Variants in CDH13 observed in about 807,000 individuals in gnomAD.
The protein encoded by CDH13 is cadherin-13.
A neutral mutation model predicts 63.8 loss-of-function variants in CDH13; 24 were observed. The observed-to-expected ratio is 0.38, with a 90% CI of 0.27 to 0.53. The LOEUF (loss-of-function observed/expected upper bound fraction) is 0.53, where lower values mean the gene tolerates loss of function less well. CDH13 is among the 20% of genes least tolerant of loss of function. CDH13 has a pLI of 0.85. For synonymous variants in CDH13, 503 were observed against 355.3 expected, an observed-to-expected ratio of 1.42 and a Z score of -4.67; for missense variants, 1,049 against 903.1, an observed-to-expected ratio of 1.16 and a Z score of -2.07.
intron 1 of CDH13, among the ~76,000 whole-genome samples, chr16:82,772,591 C>G (rs1417364270): frequency 1.3e-5 from 2 of 152,196 alleles, no homozygotes; most frequent in African/African-American, 4.8e-5. Context: ...AAATAGCTAA[C>G]TAAGCTACTG....
At chr16:83,483,654 A>C (rs72808341) in intron 6 of CDH13, among the ~76,000 whole-genome samples, 3,053 of 152,160 alleles carry the variant, frequency 0.02, 54 homozygotes, top group Non-Finnish European at 0.029. Flanking sequence ...TTAACTGGAG[A>C]CTGGTGTGGA....
intron 11 of CDH13, among the ~76,000 whole-genome samples, chr16:83,753,844 A>G (rs992196867): frequency 6.6e-6 from 1 of 151,998 alleles, no homozygotes; most frequent in African/African-American, 2.4e-5. Flanking sequence ...TAAAAATCAG[A>G]TAATATAAAA....
chr16:83,137,719 C>T (rs1237979242), intron 4 of CDH13, among the ~76,000 whole-genome samples: 1 of 152,120 alleles, frequency 6.6e-6, no homozygotes, highest in Admixed American at 6.5e-5. Flanking sequence ...CGATAAGGGC[C>T]GTGAAGGAGT....
chr16:83,050,654 A>T (rs541545948), intron 3 of CDH13, among the ~76,000 whole-genome samples: 2 of 151,924 alleles, frequency 1.3e-5, no homozygotes, highest in Admixed American at 1.3e-4. Flanking sequence ...CATGTCTCCA[A>T]ATTTATAGCT....
At chr16:83,111,420 A>G (rs7192125) in intron 3 of CDH13, among the ~76,000 whole-genome samples, 88,425 of 151,976 alleles carry the variant, frequency 0.58, 26,196 homozygotes, top group Middle Eastern at 0.7. Context: ...CATAAATAAT[A>G]TTGATTTGTT....
intron 1 of CDH13, among the ~76,000 whole-genome samples, chr16:82,811,116 G>C (rs1189243874): frequency 6.6e-6 from 1 of 152,120 alleles, no homozygotes; most frequent in Non-Finnish European, 1.5e-5. Context: ...ATTTGTCATA[G>C]ATTAATAGAC....
intron 7 of CDH13, among the ~76,000 whole-genome samples, chr16:83,586,861 T>C (rs964809249): frequency 1.3e-5 from 2 of 152,216 alleles, no homozygotes; most frequent in African/African-American, 2.4e-5. Flanking sequence ...AGCTGTGGTG[T>C]AACTGGAATC....
intron 1 of CDH13, among the ~76,000 whole-genome samples, chr16:82,713,144 G>A (rs1176690787): frequency 1.3e-5 from 2 of 152,042 alleles, no homozygotes; most frequent in African/African-American, 2.4e-5. Flanking sequence ...CGAAGTCATT[G>A]TCCCTCAATT....
intron 1 of CDH13, among the ~76,000 whole-genome samples, chr16:82,837,144 C>G (rs913877828): frequency 1.3e-5 from 2 of 152,128 alleles, no homozygotes; most frequent in Non-Finnish European, 2.9e-5. Context: ...GTGGGTGAGC[C>G]CAGAGGGTGA....
chr16:83,189,925 A>G (rs1414052079), intron 4 of CDH13, among the ~76,000 whole-genome samples: 1 of 152,160 alleles, frequency 6.6e-6, no homozygotes, highest in African/African-American at 2.4e-5. Flanking sequence ...TGGTTTTATA[A>G]GTGGGAGTTC....
At chr16:83,669,108 G>A (rs1914269237) in intron 8 of CDH13, among the ~76,000 whole-genome samples, 1 of 152,198 alleles carries the variant, frequency 6.6e-6, no homozygotes, top group Admixed American at 6.5e-5. Flanking sequence ...GATCTGGGGA[G>A]TCTGAATCTG....
In CDH13 at chr16:83,696,203, T is replaced by C. The variant is rs566014639; in HGVS notation, c.1538+17742T>C. Among the ~76,000 whole-genome samples, 6 of 152,308 alleles carry C rather than the reference T, an allele frequency of 3.9e-5. No individual in the cohort carries two copies. In the East Asian group the frequency reaches 1.2e-3, roughly 29 times the overall value. ...ACCACAACTGGCCTCAAGGAACTTC[T>C]CAACAGGGAAACATTTCTTTCCTTT... On this transcript the variant is annotated intron_variant, in intron 10 of 13. Coordinates refer to ENST00000567109, the MANE Select transcript of CDH13 (RefSeq NM_001257.5).
chr16:83,006,397 C>A (rs1055886305), intron 2 of CDH13, among the ~76,000 whole-genome samples: 3 of 152,204 alleles, frequency 2.0e-5, no homozygotes, highest in African/African-American at 7.2e-5. Flanking sequence ...TTGACTAACA[C>A]AACTTACTTT....
At chr16:83,774,049 G>A (rs1172388285) in intron 11 of CDH13, among the ~76,000 whole-genome samples, 1 of 151,972 alleles carries the variant, frequency 6.6e-6, no homozygotes, top group African/African-American at 2.4e-5. Flanking sequence ...GTGGAGCCCA[G>A]CCCCCTGCTG....
At chr16:82,636,754 A>T (rs1908703228) in intron 1 of CDH13, among the ~76,000 whole-genome samples, 2 of 152,234 alleles carry the variant, frequency 1.3e-5, no homozygotes, top group South Asian at 4.1e-4. Context: ...CCCAAACCAG[A>T]AAGCAAAACC....
chr16:83,547,400 G>C (rs1555571383), intron 7 of CDH13, among the ~76,000 whole-genome samples: 1 of 152,154 alleles, frequency 6.6e-6, no homozygotes, highest in Non-Finnish European at 1.5e-5. Context: ...AGATTATTTT[G>C]TCACCTGGGT....
At chr16:83,512,365 T>A (rs1598193204) in intron 7 of CDH13, among the ~76,000 whole-genome samples, 1 of 108,494 alleles carries the variant, frequency 9.2e-6, no homozygotes, top group African/African-American at 3.2e-5. Context: ...AATAAATAAA[T>A]AAATAAAATA....
At chr16:83,302,322 T>C (rs2089768784) in intron 5 of CDH13, among the ~76,000 whole-genome samples, 1 of 152,238 alleles carries the variant, frequency 6.6e-6, no homozygotes, top group African/African-American at 2.4e-5. Flanking sequence ...GGGAATGTAA[T>C]ACTGACATTA....
At chr16:82,836,488 A>G (rs1026300690) in intron 1 of CDH13, among the ~76,000 whole-genome samples, 1 of 152,132 alleles carries the variant, frequency 6.6e-6, no homozygotes, top group African/African-American at 2.4e-5. Flanking sequence ...TCATCTCAGT[A>G]TACTGCCTAA....
Sources: allele counts gnomAD v4.1 joint callset (sites outside exome capture counted in the v4.1 genomes callset), GRCh38; gene constraint gnomAD v4.1.1; transcripts MANE v1.5; gene names NCBI Gene and HGNC (gene_info 2026-07-23, HGNC 2026-07-21).